The following ICMT variants were observed in gnomAD, a reference collection of about 807,000 sequenced individuals.
ICMT encodes the protein protein-S-isoprenylcysteine O-methyltransferase.
ICMT carries 10 observed loss-of-function variants against 32.2 expected under a neutral mutation model. That is an observed-to-expected ratio of 0.31 (90% confidence interval 0.19 to 0.53). ICMT has a LOEUF of 0.53. Ranked by LOEUF, ICMT falls within the 20% of genes least tolerant of loss-of-function variation. ICMT has a pLI of 0.96. For missense variants in ICMT, 265 were observed against 356.9 expected (o/e 0.74, Z 2.07); for synonymous variants, 183 against 158.2 (o/e 1.16, Z -1.18).
At position 6,222,049 on chromosome 1, in the gene ICMT, T is replaced by C. The variant is rs1668562961; in HGVS notation, c.*3031A>G. 1 of 152,250 alleles carries C rather than the reference T, an allele frequency of 6.6e-6. No individual in the cohort carries two copies. The highest frequency in any genetic ancestry group is 1.5e-5 in the Non-Finnish European group (1 of 68,056). The allele number at this position is 152,250 out of a possible 1,614,324, so 9.4% of individuals were successfully genotyped here. On this transcript the variant is annotated 3_prime_UTR_variant, in exon 5 of 5. Coordinates refer to ENST00000343813, the MANE Select transcript of ICMT (RefSeq NM_012405.4). The stretch of plus-strand genomic sequence containing the variant: ...GATTCTCCACGGGCCCTGCCACTGC[T>C]AAATTTATAAAGCTAAAAATAATCT...
chr1:6,234,822 C>T, intron 2 of ICMT, 64 bp downstream of exon 2: 6 of 1,201,682 alleles, frequency 5.0e-6, no homozygotes, highest in East Asian at 2.3e-5. Context: ...GAGGAAATGC[C>T]GCTACAGACC....
Position 6,233,511 on chromosome 1 carries a change from A to C in ICMT, c.417T>G (p.Ser139=). The C allele has an allele frequency of 6.2e-7, 1 of 1,614,016 alleles. No individual in the cohort carries two copies. Among genetic ancestry groups the C allele is most frequent in the Non-Finnish European group, 8.5e-7 (1 of 1,179,992 alleles). The change falls in exon 3 of 5, where the codon TCT becomes TCG. Residue 139 remains serine (S), a synonymous_variant. Coordinates refer to ENST00000343813, the MANE Select transcript of ICMT (RefSeq NM_012405.4). ...TATTTTCAAGTGTGAACTCTAACCA[A>C]GAAGAAAGAGCAGCTACTGTATACT... The part of the protein sequence containing the change: ...SLEYTVAALS[S]WLEFTLENIF...
At position 6,224,983 on chromosome 1, in the gene ICMT, C is replaced by CTTT; in HGVS notation, c.*96_*97insAAA. ...CAGAAGAGTGACTAATGACATAAAA[C>CTTT]GATTAAGAAAATCCATGTGGCAGCG... is the stretch of plus-strand genomic sequence containing the variant. On this transcript the variant is annotated 3_prime_UTR_variant, in exon 5 of 5. Coordinates refer to ENST00000343813, the MANE Select transcript of ICMT (RefSeq NM_012405.4). The CTTT allele has an allele frequency of 9.1e-7, 1 of 1,101,762 alleles. No homozygotes were observed. Among genetic ancestry groups the CTTT allele is most frequent in the Non-Finnish European group, 1.3e-6 (1 of 758,308 alleles). The allele number at this position is 1,101,762 out of a possible 1,614,324, so 68.2% of individuals were successfully genotyped here. A position where few individuals can be genotyped will look rare whatever the true frequency, so the allele number is the denominator to read the frequency against.
intron 4 of ICMT, among the ~76,000 whole-genome samples, chr1:6,229,072 TC>T (rs1668689716): frequency 1.3e-5 from 2 of 151,376 alleles, no homozygotes; most frequent in Admixed American, 6.6e-5. Flanking sequence ...ATGTGGTGGC[TC>T]ACGCCTGTAA....
intron 3 of ICMT, 49 bp downstream of exon 3, chr1:6,233,425 A>AT: frequency 6.4e-7 from 1 of 1,555,376 alleles, no homozygotes. Flanking sequence ...CTCAGCCTGA[A>AT]TGGGAGCCAC....
At chr1:6,233,419 G>A (rs1277397579) in intron 3 of ICMT, 55 bp downstream of exon 3, 4 of 1,520,648 alleles carry the variant, frequency 2.6e-6, no homozygotes, top group Non-Finnish European at 3.6e-6. Flanking sequence ...ACTGTCCTCA[G>A]CCTGAATGGG....
intron 4 of ICMT, among the ~76,000 whole-genome samples, chr1:6,228,510 T>G (rs954630938): frequency 3.3e-4 from 50 of 151,768 alleles, no homozygotes; most frequent in African/African-American, 1.2e-3. Context: ...ACCAGGCTAA[T>G]TGTTTGTATT....
At chr1:6,232,843 C>T (rs539420305) in intron 3 of ICMT, among the ~76,000 whole-genome samples, 14 of 151,526 alleles carry the variant, frequency 9.2e-5, no homozygotes, top group South Asian at 4.2e-4. Flanking sequence ...CCACTGCACC[C>T]GACCTTGTTA....
chr1:6,229,082 A>T (rs1005812625), intron 4 of ICMT, among the ~76,000 whole-genome samples: 4 of 152,114 alleles, frequency 2.6e-5, no homozygotes, highest in African/African-American at 9.7e-5. Context: ...TCACGCCTGT[A>T]ATCCCAGCAC....
intron 3 of ICMT, among the ~76,000 whole-genome samples, chr1:6,232,977 C>T (rs187630889): frequency 1.3e-5 from 2 of 152,276 alleles, no homozygotes; most frequent in East Asian, 3.9e-4. Flanking sequence ...CCTGCCTCAG[C>T]CTCCCGAGTA....
In ICMT at chr1:6,221,467, T is replaced by G. The variant is rs1668547414; in HGVS notation, c.*3613A>C. The G allele has an allele frequency of 6.6e-6, 1 of 152,534 alleles. No homozygotes were observed. 9.4% of individuals were successfully genotyped at this position (152,534 alleles called of 1,614,324 possible). On this transcript the variant is annotated 3_prime_UTR_variant, in exon 5 of 5. Coordinates refer to ENST00000343813, the MANE Select transcript of ICMT (RefSeq NM_012405.4). ...ACAGAGAGGCCGAGGCCTTCTAACCTTGCCAAACCACTACAAAAGCAAACT... is the reference window on the plus strand; with the variant it reads ...ACAGAGAGGCCGAGGCCTTCTAACCGTGCCAAACCACTACAAAAGCAAACT...
rs189127474 is a variant in ICMT at position 6,234,618 on chromosome 1, G to A, written c.284+268C>T. The A allele has an allele frequency of 5.9e-5, 31 of 522,624 alleles. No individual in the cohort carries two copies. The East Asian group carries it at 1.0e-3, about 18-fold the overall frequency. 32.4% of individuals were successfully genotyped at this position (522,624 alleles called of 1,614,324 possible). A position where few individuals can be genotyped will look rare whatever the true frequency, so the allele number is the denominator to read the frequency against. On this transcript the variant is annotated intron_variant, in intron 2 of 4. Transcript: ENST00000343813. ...TTCCGGGAAGGGCTGCTCAAGTTAC[G>A]GAATGCTGTCACCACAGCTGCGGAT...
intron 4 of ICMT, among the ~76,000 whole-genome samples, chr1:6,227,498 A>T (rs1345927741): frequency 1.3e-5 from 2 of 152,228 alleles, no homozygotes; most frequent in Non-Finnish European, 2.9e-5. Flanking sequence ...ATTTTCCAAG[A>T]TCTATTCACA....
Position 6,224,394 on chromosome 1 carries a change from A to C in ICMT, c.*686T>G, listed in dbSNP as rs1364233497. On this transcript the variant is annotated 3_prime_UTR_variant, in exon 5 of 5. Coordinates refer to ENST00000343813, the MANE Select transcript of ICMT (RefSeq NM_012405.4). ...ACGGTCACACAAAGCCACTCAGCCA[A>C]ATCGTGTAGAGTTATCTAGGCTTAC... The C allele has an allele frequency of 6.6e-6, 1 of 152,184 alleles. No homozygotes were observed. The highest frequency in any genetic ancestry group is 1.5e-5 in the Non-Finnish European group (1 of 68,032). The allele number at this position is 152,184 out of a possible 1,614,324, so 9.4% of individuals were successfully genotyped here.
intron 1 of ICMT, 70 bp downstream of exon 1, chr1:6,235,647 T>C (rs988959411): frequency 1.9e-6 from 2 of 1,028,420 alleles, no homozygotes; most frequent in South Asian, 4.5e-5. Context: ...GGGAGAAAGG[T>C]GCCCACGCGC....
At chr1:6,227,237 T>C (rs772128406) in intron 4 of ICMT, among the ~76,000 whole-genome samples, 9 of 152,230 alleles carry the variant, frequency 5.9e-5, no homozygotes, top group Non-Finnish European at 1.2e-4. Context: ...CACACACATA[T>C]ACAGGAAGCA....
Position 6,235,900 on chromosome 1 carries a change from G to C in ICMT, c.12C>G (p.Cys4Trp). MAG[C>W]AARAPPGSEA... ...CAGAGCCCGGCGGAGCCCGCGCCGC[G>C]CAGCCCGCCATGGCGCCGGGCGGCG... The change falls in exon 1 of 5, where the codon TGC becomes TGG. Residue 4 changes from cysteine (C) to tryptophan (W), a missense_variant. Coordinates refer to ENST00000343813, the MANE Select transcript of ICMT (RefSeq NM_012405.4). 2.7e-6 allele frequency: 3 copies of C among 1,120,800 alleles called. No homozygotes were observed. The highest frequency in any genetic ancestry group is 1.7e-5 in the African/African-American group (1 of 57,910). The allele number at this position is 1,120,800 out of a possible 1,614,324, so 69.4% of individuals were successfully genotyped here. A position where few individuals can be genotyped will look rare whatever the true frequency, so the allele number is the denominator to read the frequency against.
intron 2 of ICMT, chr1:6,234,643 T>C: frequency 1.8e-6 from 1 of 549,352 alleles, no homozygotes; most frequent in Non-Finnish European, 3.3e-6. Context: ...CAGCTGCGGA[T>C]GACAGCACCT....
At chr1:6,229,373 G>A (rs1668695350) in intron 4 of ICMT, among the ~76,000 whole-genome samples, 1 of 152,128 alleles carries the variant, frequency 6.6e-6, no homozygotes, top group Admixed American at 6.6e-5. Flanking sequence ...AGCTACTCAG[G>A]AGGCTGAGGC....
Sources: gnomAD v4.1 joint callset for allele counts (sites outside exome capture counted in the v4.1 genomes callset) on GRCh38, gnomAD v4.1.1 for gene constraint, MANE v1.5 for transcripts, NCBI Gene and HGNC (gene_info 2026-07-23, HGNC 2026-07-21) for gene names.